The following ABCA13 variants were observed in gnomAD, a reference collection of about 807,000 sequenced individuals.
The protein encoded by ABCA13 is ATP binding cassette subfamily A member 13, also known as ATP-binding cassette sub-family A member 13.
ABCA13 carries 476 observed loss-of-function variants against 478.7 expected under a neutral mutation model. That is an observed-to-expected ratio of 0.99 (90% CI 0.92 to 1.07). ABCA13 has a LOEUF of 1.07. ABCA13 is among the 50% of genes least tolerant of loss of function. The pLI is 0.00. For missense variants in ABCA13, 6,060 were observed against 5,910.6 expected, an observed-to-expected ratio of 1.03 and a Z score of -0.83; for synonymous variants, 2,252 against 2,158.9, an observed-to-expected ratio of 1.04 and a Z score of -1.20.
intron 27 of ABCA13, among the ~76,000 whole-genome samples, chr7:48,332,904 T>C (rs1805629205): frequency 6.6e-6 from 1 of 152,202 alleles, no homozygotes; most frequent in Non-Finnish European, 1.5e-5. Context: ...AATTATGGTG[T>C]GGTTTAATGT....
At chr7:48,521,014 A>C (rs1345752092) in intron 53 of ABCA13, among the ~76,000 whole-genome samples, 1 of 152,164 alleles carries the variant, frequency 6.6e-6, no homozygotes, top group East Asian at 1.9e-4. Flanking sequence ...AGTCAGTAGC[A>C]TGGGGCATGT....
intron 59 of ABCA13, among the ~76,000 whole-genome samples, chr7:48,633,145 A>G (rs1479900536): frequency 6.6e-6 from 1 of 152,226 alleles, no homozygotes; most frequent in Admixed American, 6.5e-5. Context: ...AGATAACAGA[A>G]TAGGAAAAAT....
In ABCA13 at chr7:48,314,832, G is replaced by T. The variant is rs192060946; in HGVS notation, c.9859+423G>T. ...ATGAAGCTCAGGTACAAGTGAATAT[G>T]CATGATAGGTACAAACGAATATGTC... On this transcript the variant is annotated intron_variant, in intron 26 of 61. Coordinates refer to ENST00000435803, the MANE Select transcript of ABCA13 (RefSeq NM_152701.5). 6.6e-5 allele frequency among the ~76,000 whole-genome samples: 10 copies of T among 152,260 alleles called. No homozygotes were observed. In the East Asian group the frequency reaches 1.9e-3, roughly 29 times the overall value.
At chr7:48,244,431 G>A (rs1285695562) in intron 10 of ABCA13, 145 bp from the exon 11 acceptor site, 6 of 964,646 alleles carry the variant, frequency 6.2e-6, no homozygotes, top group South Asian at 1.8e-5. Context: ...CAAGAACCTG[G>A]TTGTGTGATG....
intron 59 of ABCA13, among the ~76,000 whole-genome samples, chr7:48,624,013 CT>C (rs1168950862): frequency 6.6e-6 from 1 of 151,176 alleles, no homozygotes; most frequent in African/African-American, 2.4e-5. Flanking sequence ...TGAAAGAGCC[CT>C]ATATGGTATA....
intron 55 of ABCA13, among the ~76,000 whole-genome samples, chr7:48,544,822 T>C (rs1021012433): frequency 6.6e-6 from 1 of 151,866 alleles, no homozygotes; most frequent in Admixed American, 6.6e-5. Context: ...ACCTGAGGCT[T>C]GTGACTGGCA....
chr7:48,392,461 G>T (rs1245038448), intron 38 of ABCA13, among the ~76,000 whole-genome samples: 1 of 152,200 alleles, frequency 6.6e-6, no homozygotes. Context: ...GAAATGAAAA[G>T]AATTCAAAGG....
At chr7:48,617,540 G>A (rs998697756) in intron 59 of ABCA13, among the ~76,000 whole-genome samples, 1 of 152,144 alleles carries the variant, frequency 6.6e-6, no homozygotes, top group Non-Finnish European at 1.5e-5. Context: ...GAACGGAAGA[G>A]AGGAGCTACA....
intron 41 of ABCA13, among the ~76,000 whole-genome samples, chr7:48,422,707 C>T (rs954964349): frequency 2.0e-5 from 3 of 152,194 alleles, no homozygotes; most frequent in African/African-American, 4.8e-5. Context: ...GGTCCCCCAG[C>T]GACGTCCACG....
chr7:48,434,997 G>T lies in ABCA13; in HGVS notation c.12565+7126G>T, dbSNP rs1381247830. On this transcript the variant is annotated intron_variant, in intron 42 of 61. Coordinates refer to ENST00000435803, the MANE Select transcript of ABCA13 (RefSeq NM_152701.5). The stretch of plus-strand genomic sequence containing the variant: ...TGTTTTAGCTATTCAGGGCCTCTTG[G>T]GATTCTGTATGGATTTTAAGATTAA... Among the ~76,000 whole-genome samples, 5 of 151,660 alleles carry T rather than the reference G, an allele frequency of 3.3e-5. No homozygotes were observed. In the East Asian group the frequency reaches 9.7e-4, roughly 29 times the overall value.
At chr7:48,388,159 A>T (rs1385583991) in intron 36 of ABCA13, among the ~76,000 whole-genome samples, 200 bp downstream of exon 36, 1 of 152,136 alleles carries the variant, frequency 6.6e-6, no homozygotes, top group African/African-American at 2.4e-5. Context: ...TGTTCTGTGA[A>T]ACCCAGGAAA....
At chr7:48,576,278 T>C (rs995248435) in intron 55 of ABCA13, among the ~76,000 whole-genome samples, 1 of 152,026 alleles carries the variant, frequency 6.6e-6, no homozygotes, top group African/African-American at 2.4e-5. Context: ...GAAGTCACCA[T>C]ATGAGGCCAG....
Position 48,278,516 on chromosome 7 carries a change from TG to T in ABCA13, c.7323del (p.Leu2441PhefsTer13), listed in dbSNP as rs1252707772. 6.2e-7 allele frequency: 1 copy of T among 1,613,838 alleles called. No homozygotes were observed. Among genetic ancestry groups the T allele is most frequent in the Non-Finnish European group, 8.5e-7 (1 of 1,179,872 alleles). On this transcript the variant is annotated frameshift_variant, in exon 18 of 62. Transcript: ENST00000435803. LOFTEE classifies it high-confidence loss of function. ...TCTCCTAATAAGGACTTCTATGCTT[TG>T]TATCCTACCCTCCAAGAAGTTATAC... ...LHSPNKDFYALYPTLQEVILA... is the reference protein window; with the variant it reads ...LHSPNKDFYAXYPTLQEVILA...
intron 27 of ABCA13, among the ~76,000 whole-genome samples, chr7:48,318,917 G>A (rs1802984506): frequency 6.6e-6 from 1 of 152,082 alleles, no homozygotes; most frequent in South Asian, 2.1e-4. Flanking sequence ...GATGTATTCT[G>A]CAGTATAACA....
chr7:48,491,680 A>G (rs984947193), intron 48 of ABCA13, among the ~76,000 whole-genome samples: 3 of 152,220 alleles, frequency 2.0e-5, no homozygotes, highest in Non-Finnish European at 4.4e-5. Flanking sequence ...AATATACAAT[A>G]CATAGCACCA....
At chr7:48,499,826 T>C (rs1830587990) in intron 48 of ABCA13, among the ~76,000 whole-genome samples, 2 of 152,228 alleles carry the variant, frequency 1.3e-5, no homozygotes, top group African/African-American at 4.8e-5. Context: ...TTGGACCTTT[T>C]ACCAACATCA....
At chr7:48,304,097 T>G (rs1800547187) in intron 23 of ABCA13, among the ~76,000 whole-genome samples, 2 of 152,222 alleles carry the variant, frequency 1.3e-5, no homozygotes, top group South Asian at 4.1e-4. Context: ...ACATAATCTT[T>G]TGGATAATCC....
rs746621271 is a variant in ABCA13 at position 48,455,058 on chromosome 7, C to G, written c.12587C>G (p.Ala4196Gly). 84 of 1,535,700 alleles carry G rather than the reference C, an allele frequency of 5.5e-5. 1 individual carries two copies. In the South Asian group the frequency reaches 9.6e-4, roughly 18 times the overall value. The change falls in exon 43 of 62, where the codon GCA becomes GGA. Residue 4196 changes from alanine (A) to glycine (G), a missense_variant. Around this residue, in one of 3 missense-constraint regions of ABCA13, gnomAD observed 1,627 missense variants for 1,571.0 expected, o/e 1.04. Coordinates refer to ENST00000435803, the MANE Select transcript of ABCA13 (RefSeq NM_152701.5). ...GCAGGTGGCTCCCTAGCACGGCCCG[C>G]AACTGTGCAGGGCGTCCAGCTGCTC... ...SGYCGSLARP[A>G]TVQGVQLLRA...
intron 19 of ABCA13, among the ~76,000 whole-genome samples, chr7:48,282,483 G>A (rs1440815622): frequency 1.3e-5 from 2 of 152,244 alleles, no homozygotes; most frequent in African/African-American, 4.8e-5. Flanking sequence ...GCCCAGAAGA[G>A]GAGGGGAGGC....
Sources: allele counts gnomAD v4.1 joint callset (sites outside exome capture counted in the v4.1 genomes callset), GRCh38; gene constraint gnomAD v4.1.1; regional missense constraint gnomAD v4.1.1; transcripts MANE v1.5; gene names NCBI Gene and HGNC (gene_info 2026-07-23, HGNC 2026-07-21).